EHF: variants seen among roughly 807,000 people sequenced by gnomAD.
EHF encodes ETS homologous factor.
A neutral mutation model predicts 45.1 loss-of-function variants in EHF; 14 were observed. The observed-to-expected ratio is 0.31, with a 90% CI of 0.21 to 0.49. EHF has a LOEUF of 0.49. Ranked by LOEUF, EHF falls within the 20% of genes least tolerant of loss-of-function variation. The pLI, the probability that EHF is intolerant of heterozygous loss-of-function variation, is 0.99. For synonymous variants in EHF, 136 were observed against 131.8 expected, an observed-to-expected ratio of 1.03 and a Z score of -0.22; for missense variants, 282 against 371.4, an observed-to-expected ratio of 0.76 and a Z score of 1.98.
intron 2 of EHF, among the ~76,000 whole-genome samples, chr11:34,645,318 T>C (rs573308261): frequency 2.9e-4 from 44 of 152,326 alleles, no homozygotes; most frequent in African/African-American, 1.0e-3. Flanking sequence ...TTCATTGGCA[T>C]CTGAATGTAC....
Position 34,646,668 on chromosome 11 carries a change from G to A in EHF, c.327G>A (p.Gln109=), listed in dbSNP as rs1166920045. 6.2e-7 allele frequency: 1 copy of A among 1,611,402 alleles called. No individual in the cohort carries two copies. Among genetic ancestry groups the A allele is most frequent in the African/African-American group, 1.3e-5 (1 of 74,916 alleles). Residue 109 remains glutamine (Q), a synonymous_variant, in exon 3 of 9, where the codon CAG becomes CAA. Transcript: ENST00000257831. ...GGCAGCTCCTCTACAGCAACTTGCA[G>A]CATCTGAAGTGGAACGGTGACTCTC... ...TAGQLLYSNL[Q]HLKWNGQCSS...
intron 1 of EHF, among the ~76,000 whole-genome samples, chr11:34,637,316 C>G (rs926060062): frequency 3.9e-5 from 6 of 152,156 alleles, no homozygotes; most frequent in Admixed American, 2.6e-4. Context: ...CTTGGCGAAG[C>G]AAGCCTGGAG....
At chr11:34,639,473 A>G (rs1332746487) in intron 1 of EHF, among the ~76,000 whole-genome samples, 2 of 152,216 alleles carry the variant, frequency 1.3e-5, no homozygotes, top group Non-Finnish European at 2.9e-5. Context: ...TTCCATCTCA[A>G]CAGTCCTGTG....
intron 1 of EHF, among the ~76,000 whole-genome samples, chr11:34,638,266 G>A (rs970164894): frequency 4.6e-5 from 7 of 152,304 alleles, no homozygotes; most frequent in Admixed American, 4.6e-4. Context: ...GTTTGTAATA[G>A]CTCAGGTAAT....
intron 2 of EHF, among the ~76,000 whole-genome samples, chr11:34,646,171 G>A (rs1004766837): frequency 6.6e-6 from 1 of 151,972 alleles, no homozygotes; most frequent in Admixed American, 6.6e-5. Flanking sequence ...TGATAGCAAT[G>A]CTCTAGCTTT....
At chr11:34,655,634 T>C (rs1329667565) in intron 6 of EHF, among the ~76,000 whole-genome samples, 3 of 152,232 alleles carry the variant, frequency 2.0e-5, no homozygotes, top group Non-Finnish European at 4.4e-5. Flanking sequence ...CTGTGGATCA[T>C]ATTAGTACCT....
intron 1 of EHF, among the ~76,000 whole-genome samples, chr11:34,628,570 C>G (rs1852584613): frequency 6.6e-6 from 1 of 152,172 alleles, no homozygotes; most frequent in Admixed American, 6.5e-5. Context: ...CCCATATGTT[C>G]CTGCCTATGG....
intron 1 of EHF, chr11:34,622,336 A>G: frequency 9.5e-7 from 1 of 1,056,814 alleles, no homozygotes; most frequent in Non-Finnish European, 1.3e-6. Context: ...TCACCTTGGT[A>G]ACAGGGAGAA....
intron 1 of EHF, among the ~76,000 whole-genome samples, chr11:34,636,402 G>A (rs1286036991): frequency 1.3e-5 from 2 of 152,166 alleles, no homozygotes; most frequent in Admixed American, 1.3e-4. Flanking sequence ...CCATGATCCT[G>A]CTTCTGAGGA....
At chr11:34,633,980 C>A (rs1170333018) in intron 1 of EHF, among the ~76,000 whole-genome samples, 2 of 152,176 alleles carry the variant, frequency 1.3e-5, no homozygotes, top group Non-Finnish European at 2.9e-5. Flanking sequence ...CATGAAAACC[C>A]TTGAAACCCC....
intron 3 of EHF, among the ~76,000 whole-genome samples, chr11:34,648,069 G>T (rs1021332292): frequency 4.6e-5 from 7 of 152,166 alleles, no homozygotes; most frequent in African/African-American, 1.7e-4. Context: ...GCATGCTGCT[G>T]TAGCCTCTGA....
intron 1 of EHF, 54 bp from the exon 2 acceptor site, chr11:34,642,574 A>G: frequency 8.8e-7 from 1 of 1,137,160 alleles, no homozygotes; most frequent in Non-Finnish European, 1.3e-6. Flanking sequence ...TGCACTTTCC[A>G]ATGACATTTG....
intron 2 of EHF, among the ~76,000 whole-genome samples, chr11:34,645,075 C>T (rs2134126575): frequency 6.6e-6 from 1 of 152,254 alleles, no homozygotes; most frequent in Non-Finnish European, 1.5e-5. Flanking sequence ...TGCCCCTTGC[C>T]CCTTTCACTC....
intron 1 of EHF, chr11:34,631,440 G>C (rs1852882080): frequency 2.2e-5 from 7 of 322,102 alleles, no homozygotes; most frequent in Non-Finnish European, 3.1e-5. Flanking sequence ...GATTTGTTTA[G>C]CTCCTTGTGG....
intron 6 of EHF, among the ~76,000 whole-genome samples, chr11:34,652,616 C>A (rs898503457): frequency 6.6e-6 from 1 of 152,134 alleles, no homozygotes; most frequent in Non-Finnish European, 1.5e-5. Flanking sequence ...TATGAAATGG[C>A]ACTTAGACAT....
chr11:34,652,246 G>A (rs1855241990), intron 6 of EHF, among the ~76,000 whole-genome samples: 1 of 152,210 alleles, frequency 6.6e-6, no homozygotes. Flanking sequence ...GTTTCTGGGT[G>A]AAGGGGTAGC....
At chr11:34,628,069 C>T (rs1030233380) in intron 1 of EHF, among the ~76,000 whole-genome samples, 20 of 152,012 alleles carry the variant, frequency 1.3e-4, no homozygotes, top group African/African-American at 3.4e-4. Context: ...GCCAACATGG[C>T]GAAACCCCAT....
intron 1 of EHF, among the ~76,000 whole-genome samples, chr11:34,623,418 C>T (rs987791727): frequency 1.2e-4 from 18 of 152,124 alleles, no homozygotes; most frequent in Non-Finnish European, 2.5e-4. Context: ...ATTAGTCTAT[C>T]GTGATCTCCC....
At chr11:34,646,944 C>T (rs779213103) in intron 3 of EHF, 1 of 520,338 alleles carries the variant, frequency 1.9e-6, no homozygotes, top group Non-Finnish European at 3.3e-6. Context: ...AAGACAAAAG[C>T]TGGCTAGGAA....
Sources: gnomAD v4.1 joint callset for allele counts (sites outside exome capture counted in the v4.1 genomes callset) on GRCh38, gnomAD v4.1.1 for gene constraint, MANE v1.5 for transcripts, NCBI Gene and HGNC (gene_info 2026-07-23, HGNC 2026-07-21) for gene names.